Variants in MBTD1 observed in about 807,000 individuals in gnomAD.
MBTD1 encodes the protein MBT domain-containing protein 1.
Under a neutral mutation model 87.8 loss-of-function variants are expected in MBTD1, and 24 were observed. The observed-to-expected ratio is 0.27, with a 90% CI of 0.20 to 0.38. The LOEUF (loss-of-function observed/expected upper bound fraction) is 0.38, where lower values mean the gene tolerates loss of function less well. MBTD1 is among the 10% of genes least tolerant of loss of function. MBTD1 has a pLI of 1.00. For missense variants in MBTD1, 436 were observed against 760.2 expected (o/e 0.57, Z 5.02); for synonymous variants, 237 against 248.6 (o/e 0.95, Z 0.44).
chr17:51,206,824 T>C (rs2051871250), intron 7 of MBTD1, 64 bp downstream of exon 7: 1 of 1,141,768 alleles, frequency 8.8e-7, no homozygotes, highest in South Asian at 1.3e-5. Context: ...ATAAACATGC[T>C]TTTTTTACGA....
chr17:51,202,946 T>C lies in MBTD1; in HGVS notation c.829-11A>G, dbSNP rs80042289. On this transcript the variant is annotated splice_polypyrimidine_tract_variant and intron_variant, in intron 9 of 16. Transcript: ENST00000586178. Reference sequence around the variant, plus strand: ...CATACTCTCTGAAACCTTAAAAGCATACAAAAAAAACTGCTCGAAATTCAT... The same window carrying C: ...CATACTCTCTGAAACCTTAAAAGCACACAAAAAAAACTGCTCGAAATTCAT... The C allele has an allele frequency of 1.5e-3, 2,395 of 1,598,966 alleles. 44 individuals are homozygous for C. In the African/African-American group the frequency reaches 0.029, roughly 19 times the overall value.
At chr17:51,237,587 C>T (rs2053922764) in intron 2 of MBTD1, among the ~76,000 whole-genome samples, 1 of 151,986 alleles carries the variant, frequency 6.6e-6, no homozygotes, top group Admixed American at 6.6e-5. Flanking sequence ...TCAACATCAG[C>T]GGTCACTGAG....
upstream of MBTD1, chr17:51,260,208 C>T (rs1308077623): frequency 7.4e-6 from 3 of 407,272 alleles, no homozygotes; most frequent in Non-Finnish European, 1.3e-5. Context: ...CGTATTGGGG[C>T]TTGTGTCAAG....
intron 2 of MBTD1, among the ~76,000 whole-genome samples, chr17:51,234,526 C>T (rs1316156132): frequency 6.6e-6 from 1 of 151,906 alleles, no homozygotes; most frequent in African/African-American, 2.4e-5. Context: ...GGACAAATTC[C>T]TTCAGAGACA....
intron 2 of MBTD1, among the ~76,000 whole-genome samples, chr17:51,228,490 GAAA>G (rs5820845): frequency 8.2e-6 from 1 of 121,304 alleles, no homozygotes; most frequent in Non-Finnish European, 1.7e-5. Context: ...TTCAAACCAC[GAAA>G]AAAAAAAAAA....
chr17:51,210,718 TG>T (rs1771509250), intron 6 of MBTD1, among the ~76,000 whole-genome samples: 1 of 152,092 alleles, frequency 6.6e-6, no homozygotes, highest in South Asian at 2.1e-4. Flanking sequence ...ATTGTGCTAC[TG>T]CACTCCAGCC....
At chr17:51,226,486 G>C (rs756239034) in intron 2 of MBTD1, among the ~76,000 whole-genome samples, 21 of 151,738 alleles carry the variant, frequency 1.4e-4, no homozygotes, top group Non-Finnish European at 2.2e-4. Flanking sequence ...CTGTGTGACA[G>C]AGAGAGACCA....
chr17:51,177,960 AAAAC>A lies in MBTD1; in HGVS notation c.*2612_*2615del, dbSNP rs1339874397. 3.3e-5 allele frequency: 5 copies of A among 152,178 alleles called. No homozygotes were observed. The highest frequency in any genetic ancestry group is 7.2e-5 in the African/African-American group (3 of 41,450). 9.4% of individuals were successfully genotyped at this position (152,178 alleles called of 1,614,324 possible). A position where few individuals can be genotyped will look rare whatever the true frequency, so the allele number is the denominator to read the frequency against. On this transcript the variant is annotated 3_prime_UTR_variant, in exon 17 of 17. Coordinates refer to ENST00000586178, the MANE Select transcript of MBTD1 (RefSeq NM_017643.3). Reference sequence around the variant, plus strand: ...TCACGCAAAATTAATAATAATAATAAAAACAAACAAACACTGAAAACCCGTGTTA... The same window carrying A: ...TCACGCAAAATTAATAATAATAATAAAAACAAACACTGAAAACCCGTGTTA...
chr17:51,177,586 G>A lies in MBTD1; in HGVS notation c.*2990C>T, dbSNP rs558400074. The A allele has an allele frequency of 5.9e-5, 9 of 152,100 alleles. No individual in the cohort carries two copies. The highest frequency in any genetic ancestry group is 2.0e-4 in the Admixed American group (3 of 15,270). 9.4% of individuals were successfully genotyped at this position (152,100 alleles called of 1,614,324 possible). On this transcript the variant is annotated 3_prime_UTR_variant, in exon 17 of 17. Transcript: ENST00000586178. Reference sequence around the variant, plus strand: ...AAATTTTTCCAAAGGAATTTTTCACGCCATTATATATACACTTCATGAGAA... The same window carrying A: ...AAATTTTTCCAAAGGAATTTTTCACACCATTATATATACACTTCATGAGAA...
intron 7 of MBTD1, among the ~76,000 whole-genome samples, chr17:51,206,095 C>T (rs2051814611): frequency 6.6e-6 from 1 of 152,158 alleles, no homozygotes; most frequent in African/African-American, 2.4e-5. Flanking sequence ...TCTTATACTT[C>T]TGGATATCAT....
chr17:51,203,023 C>T, intron 9 of MBTD1, 88 bp from the exon 10 acceptor site: 2 of 1,262,140 alleles, frequency 1.6e-6, no homozygotes, highest in Non-Finnish European at 2.3e-6. Context: ...ATACTGAATG[C>T]ACTTGAAATG....
At chr17:51,188,753 G>GTTTTTTTT (rs767959315) in intron 16 of MBTD1, among the ~76,000 whole-genome samples, 1 of 108,886 alleles carries the variant, frequency 9.2e-6, no homozygotes, top group Non-Finnish European at 1.8e-5. Context: ...ATTCAAATAG[G>GTTTTTTTT]TTTTTTTTTT....
intron 16 of MBTD1, chr17:51,191,887 T>G (rs1225107536): frequency 3.8e-6 from 1 of 259,856 alleles, no homozygotes; most frequent in African/African-American, 2.3e-5. Flanking sequence ...GGCTGCTAAT[T>G]TTTCTTTTTA....
At chr17:51,206,822 GCTT>G in intron 7 of MBTD1, 63 bp downstream of exon 7, 2 of 1,121,320 alleles carry the variant, frequency 1.8e-6, no homozygotes, top group Middle Eastern at 4.4e-4. Flanking sequence ...TTATAAACAT[GCTT>G]TTTTTACGAA....
rs760502087 is a variant in MBTD1, at chr17:51,203,206, G to C, written c.762C>G (p.Asn254Lys). ...GTCGTTTCACTAGAAAAGCTTTCCA[G>C]TTTGTATATTTATGCTGAATAGCTA... ...PPRTIQHKYTNWKAFLVKRLT... is the reference protein window; with the variant it reads ...PPRTIQHKYTKWKAFLVKRLT... The change falls in exon 9 of 17, where the codon AAC becomes AAG. Residue 254 changes from asparagine to lysine, a missense_variant. This residue lies in a region of MBTD1 where 268 missense variants were observed against 401.8 expected (regional missense o/e 0.67). Transcript: ENST00000586178. The C allele has an allele frequency of 4.5e-6, 7 of 1,565,390 alleles. No individual in the cohort carries two copies. Among genetic ancestry groups the C allele is most frequent in the Non-Finnish European group, 6.0e-6 (7 of 1,162,970 alleles).
intron 2 of MBTD1, among the ~76,000 whole-genome samples, chr17:51,245,025 CGA>C (rs1489794417): frequency 6.6e-6 from 1 of 152,082 alleles, no homozygotes; most frequent in Non-Finnish European, 1.5e-5. Context: ...TTCAGCTTCT[CGA>C]GTAGCTGGCA....
intron 14 of MBTD1, 111 bp downstream of exon 14, chr17:51,193,317 A>G (rs2050902410): frequency 5.7e-6 from 4 of 705,640 alleles, no homozygotes; most frequent in South Asian, 2.0e-5. Flanking sequence ...TGTTTATATT[A>G]TATCTCCACT....
intron 8 of MBTD1, among the ~76,000 whole-genome samples, 193 bp downstream of exon 8, chr17:51,203,598 T>C (rs1330907480): frequency 1.3e-5 from 2 of 152,166 alleles, no homozygotes; most frequent in East Asian, 1.9e-4. Flanking sequence ...GGTTTTGCCA[T>C]GTTGGTCAGG....
At chr17:51,245,600 C>T (rs149639063) in intron 2 of MBTD1, among the ~76,000 whole-genome samples, 1 of 151,702 alleles carries the variant, frequency 6.6e-6, no homozygotes, top group Non-Finnish European at 1.5e-5. Flanking sequence ...TCTAGTTGCG[C>T]CAACATCCTT....
Sources: allele counts gnomAD v4.1 joint callset (sites outside exome capture counted in the v4.1 genomes callset), GRCh38; gene constraint gnomAD v4.1.1; regional missense constraint gnomAD v4.1.1; transcripts MANE v1.5; gene names NCBI Gene and HGNC (gene_info 2026-07-23, HGNC 2026-07-21).